CCDC28A: variants seen among roughly 807,000 people sequenced by gnomAD.
CCDC28A encodes coiled-coil domain containing 28A, also known as coiled-coil domain-containing protein 28A.
A neutral mutation model predicts 22.1 loss-of-function variants in CCDC28A; 24 were observed. That is an observed-to-expected ratio of 1.09 (90% CI 0.79 to 1.53). The LOEUF is 1.53. Ranked by LOEUF, CCDC28A falls within the 40% of genes most tolerant of loss-of-function variation. The pLI, the probability that CCDC28A is intolerant of heterozygous loss-of-function variation, is 0.00. For synonymous variants in CCDC28A, 83 were observed against 74.7 expected (o/e 1.11, Z -0.57); for missense variants, 170 against 210.7 (o/e 0.81, Z 1.20).
At position 138,779,931 on chromosome 6, in the gene CCDC28A, A is replaced by G. The variant is rs748711432; in HGVS notation, c.268A>G (p.Arg90Gly). The G allele has an allele frequency of 5.0e-6, 8 of 1,613,934 alleles. No homozygotes were observed. The East Asian group carries it at 1.8e-4, about 36-fold the overall frequency. Reference sequence around the variant, plus strand: ...TGTCTCAGATGTTCAGGAGATGGAGAGAGGGCTGCTCAGTCTTTTGAATGA... The same window carrying G: ...TGTCTCAGATGTTCAGGAGATGGAGGGAGGGCTGCTCAGTCTTTTGAATGA... ...TDVSDVQEME[R>G]GLLSLLNDFH... The change falls in exon 3 of 6, where the codon AGA (arginine) becomes GGA (glycine). Residue 90 changes from arginine to glycine, a missense_variant. By Grantham distance (125) the Arg-to-Gly change is moderately radical. Coordinates refer to ENST00000617445, the MANE Select transcript of CCDC28A (RefSeq NM_015439.3).
chr6:138,788,363 C>G lies in CCDC28A; in HGVS notation c.478-3C>G, dbSNP rs772875496. 8.5e-7 allele frequency: 1 copy of G among 1,170,074 alleles called. No homozygotes were observed. The highest frequency in any genetic ancestry group is 1.2e-6 in the Non-Finnish European group (1 of 837,808). The allele number at this position is 1,170,074 out of a possible 1,614,324, so 72.5% of individuals were successfully genotyped here. On this transcript the variant is annotated splice_region_variant and splice_polypyrimidine_tract_variant and intron_variant, in intron 4 of 5. Transcript: ENST00000617445. Reference sequence around the variant, plus strand: ...AAAATAAATTTGTTTCTTTGTTTTACAGTTAGAAGAATTGAATTCTTCCAT... The same window carrying G: ...AAAATAAATTTGTTTCTTTGTTTTAGAGTTAGAAGAATTGAATTCTTCCAT...
chr6:138,775,823 C>A (rs976705569), intron 1 of CCDC28A, among the ~76,000 whole-genome samples: 8 of 152,058 alleles, frequency 5.3e-5, no homozygotes, highest in Admixed American at 5.2e-4. Flanking sequence ...GGAAGAGAAT[C>A]AGTAAATATT....
intron 4 of CCDC28A, among the ~76,000 whole-genome samples, 157 bp downstream of exon 4, chr6:138,785,538 C>T (rs1775083907): frequency 6.6e-6 from 1 of 152,192 alleles, no homozygotes; most frequent in African/African-American, 2.4e-5. Flanking sequence ...TTCACCACCC[C>T]AGAAAGAAAC....
chr6:138,792,720 A>G, intron 5 of CCDC28A, 29 bp from the exon 6 acceptor site: 1 of 1,452,328 alleles, frequency 6.9e-7, no homozygotes, highest in Non-Finnish European at 9.6e-7. Context: ...CCCTTATAGA[A>G]TGAAAATCTT....
chr6:138,777,205 C>A (rs1262286804), intron 2 of CCDC28A, among the ~76,000 whole-genome samples: 4 of 152,182 alleles, frequency 2.6e-5, no homozygotes, highest in Non-Finnish European at 5.9e-5. Flanking sequence ...CTGTTGCATT[C>A]TGTAGCCGCT....
At chr6:138,780,991 C>A (rs1282362739) in intron 3 of CCDC28A, among the ~76,000 whole-genome samples, 1 of 152,130 alleles carries the variant, frequency 6.6e-6, no homozygotes, top group Non-Finnish European at 1.5e-5. Flanking sequence ...TGTCCACATA[C>A]ATATTGATTT....
chr6:138,784,191 T>A (rs560279623), intron 3 of CCDC28A, among the ~76,000 whole-genome samples: 1 of 152,308 alleles, frequency 6.6e-6, no homozygotes, highest in Admixed American at 6.5e-5. Context: ...CCTAGAACTC[T>A]GAATTTCACT....
At chr6:138,780,753 A>G (rs997113713) in intron 3 of CCDC28A, among the ~76,000 whole-genome samples, 3 of 151,690 alleles carry the variant, frequency 2.0e-5, no homozygotes, top group African/African-American at 4.8e-5. Flanking sequence ...TTGTATTTTT[A>G]CTAGAGACGG....
chr6:138,780,572 A>AT (rs11348177), intron 3 of CCDC28A, among the ~76,000 whole-genome samples: 943 of 124,134 alleles, frequency 7.6e-3, no homozygotes, highest in Admixed American at 0.017. Context: ...TTATTTCCCA[A>AT]TTTTTTTTTT....
intron 4 of CCDC28A, among the ~76,000 whole-genome samples, chr6:138,787,458 GT>G (rs1367219420): frequency 1.3e-5 from 2 of 152,136 alleles, no homozygotes; most frequent in African/African-American, 2.4e-5. Flanking sequence ...CCAGTTTATG[GT>G]GTTTGTTATA....
At chr6:138,782,822 T>G (rs1775039451) in intron 3 of CCDC28A, among the ~76,000 whole-genome samples, 1 of 152,202 alleles carries the variant, frequency 6.6e-6, no homozygotes, top group African/African-American at 2.4e-5. Context: ...TATGAAGATG[T>G]TATAAAGCTG....
chr6:138,780,641 C>A (rs1293384987), intron 3 of CCDC28A, among the ~76,000 whole-genome samples: 1 of 145,964 alleles, frequency 6.9e-6, no homozygotes, highest in Admixed American at 7.0e-5. Flanking sequence ...ATGGCACGAT[C>A]TCGGCTCACT....
chr6:138,776,698 T>TA (rs1562438067), intron 2 of CCDC28A, among the ~76,000 whole-genome samples: 1 of 151,692 alleles, frequency 6.6e-6, no homozygotes. Flanking sequence ...ATATATATAT[T>TA]TTTAAATATG....
intron 5 of CCDC28A, among the ~76,000 whole-genome samples, chr6:138,789,773 A>G (rs1036103356): frequency 2.0e-5 from 3 of 152,130 alleles, no homozygotes; most frequent in Non-Finnish European, 2.9e-5. Flanking sequence ...TGCAGTAAGT[A>G]GGGATCCTGC....
rs138428828 is a variant in CCDC28A, at chr6:138,785,240, C to T, written c.336C>T (p.Ser112=). 451 of 1,612,722 alleles carry T rather than the reference C, an allele frequency of 2.8e-4. 4 individuals carry two copies. In the African/African-American group the frequency reaches 5.4e-3, roughly 19 times the overall value. Residue 112 remains serine (S), a synonymous_variant, in exon 4 of 6, where the codon TCC becomes TCT. Coordinates refer to ENST00000617445, the MANE Select transcript of CCDC28A (RefSeq NM_015439.3). ...AATGTTCCCAAGGAAATGAATGTTC[C>T]ATTGAACAGATGGAACATGTTCGGG... is the stretch of plus-strand genomic sequence containing the variant. ...GKLQAFGNEC[S]IEQMEHVRGM...
intron 3 of CCDC28A, among the ~76,000 whole-genome samples, chr6:138,781,735 G>A (rs951711724): frequency 7.9e-5 from 12 of 152,082 alleles, no homozygotes; most frequent in Non-Finnish European, 1.0e-4. Context: ...TTATCCTTTT[G>A]TTGTTGTCAC....
chr6:138,780,819 G>A (rs923993362), intron 3 of CCDC28A, among the ~76,000 whole-genome samples: 3 of 152,022 alleles, frequency 2.0e-5, no homozygotes, highest in Admixed American at 6.6e-5. Context: ...TGATCTGCCC[G>A]CCTCGGCCTC....
At position 138,793,134 on chromosome 6, in the gene CCDC28A, C is replaced by T. The variant is rs2128363859; in HGVS notation, c.*331C>T. On this transcript the variant is annotated 3_prime_UTR_variant, in exon 6 of 6. Coordinates refer to ENST00000617445, the MANE Select transcript of CCDC28A (RefSeq NM_015439.3). ...CGGAGGGATTTCTCTTTCCTGAGCTCACCAAACTTATTCCAGTGTTGATCG... is the reference window on the plus strand; with the variant it reads ...CGGAGGGATTTCTCTTTCCTGAGCTTACCAAACTTATTCCAGTGTTGATCG... 3.8e-6 allele frequency: 1 copy of T among 263,986 alleles called. No individual in the cohort carries two copies. Among genetic ancestry groups the T allele is most frequent in the Middle Eastern group, 1.4e-3 (1 of 732 alleles). 16.4% of individuals were successfully genotyped at this position (263,986 alleles called of 1,614,324 possible).
intron 5 of CCDC28A, among the ~76,000 whole-genome samples, chr6:138,788,933 A>T (rs1184298829): frequency 6.6e-6 from 1 of 152,154 alleles, no homozygotes; most frequent in Non-Finnish European, 1.5e-5. Context: ...TGGCAGTGAG[A>T]TATTCAGAGA....
Sources: gnomAD v4.1 joint callset for allele counts (sites outside exome capture counted in the v4.1 genomes callset) on GRCh38, gnomAD v4.1.1 for gene constraint, MANE v1.5 for transcripts, NCBI Gene and HGNC (gene_info 2026-07-23, HGNC 2026-07-21) for gene names.